TTLL5: variants seen among roughly 807,000 people sequenced by gnomAD.
The protein encoded by TTLL5 is tubulin polyglutamylase TTLL5.
TTLL5 carries 132 observed loss-of-function variants against 168.4 expected under a neutral mutation model. The ratio of observed to expected loss-of-function variants is 0.78; its 90% CI spans 0.68 to 0.91. TTLL5 has a LOEUF of 0.91. Among genes scored for constraint, TTLL5 ranks in the 40% least tolerant of loss-of-function variants. The pLI, the probability that TTLL5 is intolerant of heterozygous loss-of-function variation, is 0.00. For missense variants in TTLL5, 1,545 were observed against 1,581.5 expected (o/e 0.98, Z 0.39); for synonymous variants, 546 against 558.6 (o/e 0.98, Z 0.32).
intron 6 of TTLL5, among the ~76,000 whole-genome samples, chr14:75,695,835 C>T (rs1316772657): frequency 4.2e-5 from 5 of 119,636 alleles, no homozygotes; most frequent in Non-Finnish European, 8.8e-5. Context: ...ACTTCCCTCT[C>T]CCACTTCCCT....
At chr14:75,906,266 G>A (rs959524901) in intron 31 of TTLL5, among the ~76,000 whole-genome samples, 1 of 152,174 alleles carries the variant, frequency 6.6e-6, no homozygotes, top group African/African-American at 2.4e-5. Flanking sequence ...ACCACGTGTT[G>A]TATAGTTTTT....
At chr14:75,801,358 C>T (rs1188790000) in intron 27 of TTLL5, among the ~76,000 whole-genome samples, 1 of 152,138 alleles carries the variant, frequency 6.6e-6, no homozygotes, top group African/African-American at 2.4e-5. Context: ...CCAACAAGGC[C>T]AATCTCCTGG....
intron 3 of TTLL5, among the ~76,000 whole-genome samples, chr14:75,673,674 T>C (rs1883920122): frequency 6.6e-6 from 1 of 152,224 alleles, no homozygotes; most frequent in Non-Finnish European, 1.5e-5. Context: ...CGCTCAAAAC[T>C]TGTGCTGCTT....
chr14:75,709,875 C>T (rs2140178445), intron 9 of TTLL5: 1 of 150,082 alleles, frequency 6.7e-6, no homozygotes, highest in Non-Finnish European at 1.4e-5. Context: ...AAAGCCTATT[C>T]CCTATATTAT....
At chr14:75,818,559 C>T (rs536640192) in intron 27 of TTLL5, 122 of 317,138 alleles carry the variant, frequency 3.8e-4, no homozygotes, top group Non-Finnish European at 6.1e-4. Context: ...ATGATCTCTT[C>T]TCACCGCAAC....
chr14:75,676,553 T>A (rs1405350233), intron 3 of TTLL5, among the ~76,000 whole-genome samples: 2 of 152,146 alleles, frequency 1.3e-5, no homozygotes, highest in African/African-American at 4.8e-5. Flanking sequence ...GATGTTTGCA[T>A]TCTGTCATTC....
chr14:75,776,024 T>C (rs575805206), intron 22 of TTLL5, among the ~76,000 whole-genome samples: 1 of 152,342 alleles, frequency 6.6e-6, no homozygotes, highest in East Asian at 1.9e-4. Flanking sequence ...AGTTATACTT[T>C]CATCTTTAAA....
In TTLL5 at chr14:75,902,149, T is replaced by C; in HGVS notation, c.3748T>C (p.Ser1250Pro). 6.2e-7 allele frequency: 1 copy of C among 1,614,120 alleles called. No homozygotes were observed. Among genetic ancestry groups the C allele is most frequent in the Non-Finnish European group, 8.5e-7 (1 of 1,179,996 alleles). The part of the protein sequence containing the change: ...ATSQKASKGS[S>P]AEGQLNGLQS... ...AGCTCCTTTGTGTTTCAGAGGGTCC[T>C]CCGCGGAAGGGCAGCTGAATGGACT... is the stretch of plus-strand genomic sequence containing the variant. Residue 1250 changes from serine to proline, a missense_variant, in exon 31 of 32, where the codon TCC (serine) becomes CCC (proline). Transcript: ENST00000298832.
At chr14:75,907,844 C>G (rs1566655480) in intron 31 of TTLL5, among the ~76,000 whole-genome samples, 1 of 152,212 alleles carries the variant, frequency 6.6e-6, no homozygotes, top group East Asian at 1.9e-4. Flanking sequence ...CAGTATTTCC[C>G]TTAGGAGACT....
intron 30 of TTLL5, chr14:75,887,422 T>A: frequency 1.3e-6 from 1 of 742,412 alleles, no homozygotes. Context: ...TATTGTGTGT[T>A]AACCATGTTC....
chr14:75,869,849 TCAC>T (rs2030875209), intron 29 of TTLL5, among the ~76,000 whole-genome samples: 1 of 149,358 alleles, frequency 6.7e-6, no homozygotes. Flanking sequence ...CGATGGAGTC[TCAC>T]TCTGTTGACC....
At chr14:75,753,247 A>G (rs1322517596) in intron 18 of TTLL5, among the ~76,000 whole-genome samples, 2 of 152,190 alleles carry the variant, frequency 1.3e-5, no homozygotes, top group Non-Finnish European at 2.9e-5. Flanking sequence ...TAGTGCCATT[A>G]TATTTTAGAT....
chr14:75,868,356 A>C (rs1235798273), intron 29 of TTLL5, among the ~76,000 whole-genome samples: 1 of 152,200 alleles, frequency 6.6e-6, no homozygotes, highest in Admixed American at 6.5e-5. Flanking sequence ...GTCTCTTTCG[A>C]AACCCCTTCA....
intron 19 of TTLL5, among the ~76,000 whole-genome samples, chr14:75,765,719 T>C (rs1172709565): frequency 2.0e-5 from 3 of 151,972 alleles, no homozygotes; most frequent in Admixed American, 2.0e-4. Context: ...AAAAATTAGC[T>C]GGGTATGGTA....
At chr14:75,919,128 G>A (rs1387008484) in intron 31 of TTLL5, among the ~76,000 whole-genome samples, 1 of 133,848 alleles carries the variant, frequency 7.5e-6, no homozygotes, top group African/African-American at 2.7e-5. Context: ...TTCAACCAGG[G>A]AGTCAGAGGT....
intron 30 of TTLL5, chr14:75,886,642 G>A (rs2032136733): frequency 6.3e-7 from 1 of 1,575,412 alleles, no homozygotes; most frequent in Middle Eastern, 1.7e-4. Flanking sequence ...CCATTTTCCT[G>A]GTGCCAATAA....
chr14:75,724,462 G>A (rs908058317), intron 12 of TTLL5, among the ~76,000 whole-genome samples: 3 of 152,150 alleles, frequency 2.0e-5, no homozygotes, highest in East Asian at 1.9e-4. Context: ...GTGTTTAAAT[G>A]TAGACTTGAG....
intron 17 of TTLL5, among the ~76,000 whole-genome samples, chr14:75,749,079 C>G (rs1889790031): frequency 6.6e-6 from 1 of 151,996 alleles, no homozygotes; most frequent in Admixed American, 6.6e-5. Flanking sequence ...GTAGTTATAC[C>G]TTATGAAGAC....
chr14:75,830,904 C>G (rs549258898), intron 28 of TTLL5, among the ~76,000 whole-genome samples: 1 of 152,292 alleles, frequency 6.6e-6, no homozygotes, highest in Admixed American at 6.5e-5. Context: ...ATTAGGATTT[C>G]TCATCCTTAA....
Sources: allele counts gnomAD v4.1 joint callset (sites outside exome capture counted in the v4.1 genomes callset), GRCh38; gene constraint gnomAD v4.1.1; transcripts MANE v1.5; gene names NCBI Gene and HGNC (gene_info 2026-07-23, HGNC 2026-07-21).